SDCCAG8: variants seen among roughly 807,000 people sequenced by gnomAD.
SDCCAG8 encodes SHH signaling and ciliogenesis regulator SDCCAG8, also known as serologically defined colon cancer antigen 8.
In SDCCAG8, 74 loss-of-function variants were observed where a neutral mutation model predicts 101.8. The observed-to-expected ratio is 0.73, with a 90% CI of 0.60 to 0.88. The LOEUF (loss-of-function observed/expected upper bound fraction) is 0.88. Among genes scored for constraint, SDCCAG8 ranks in the 40% least tolerant of loss-of-function variants. The probability of loss-of-function intolerance (pLI) is 0.00; values close to 1 mark genes in which losing one functional copy is unlikely to be tolerated. For synonymous variants in SDCCAG8, 281 were observed against 292.9 expected, an observed-to-expected ratio of 0.96 and a Z score of 0.41; for missense variants, 787 against 822.6, an observed-to-expected ratio of 0.96 and a Z score of 0.53.
intron 16 of SDCCAG8, among the ~76,000 whole-genome samples, chr1:243,436,078 TAG>T (rs1195005653): frequency 6.6e-6 from 1 of 152,126 alleles, no homozygotes; most frequent in Non-Finnish European, 1.5e-5. Flanking sequence ...GGTTCAGCCT[TAG>T]TTTTGTACAT....
intron 1 of SDCCAG8, among the ~76,000 whole-genome samples, chr1:243,266,776 C>CA (rs566670758): frequency 0.17 from 18,974 of 110,952 alleles, 1,933 homozygotes; most frequent in South Asian, 0.22. Context: ...ATTATAAATA[C>CA]AAAAAAAAAA....
At chr1:243,399,512 A>G (rs2079235346) in intron 13 of SDCCAG8, among the ~76,000 whole-genome samples, 1 of 151,868 alleles carries the variant, frequency 6.6e-6, no homozygotes, top group African/African-American at 2.4e-5. Flanking sequence ...TTATTTATTT[A>G]TTTATTTATT....
intron 17 of SDCCAG8, among the ~76,000 whole-genome samples, chr1:243,493,432 C>T (rs1008027098): frequency 6.6e-6 from 1 of 152,108 alleles, no homozygotes; most frequent in Non-Finnish European, 1.5e-5. Context: ...AATTATCTGT[C>T]CACTTAGAGG....
At chr1:243,293,321 A>G in intron 6 of SDCCAG8, 102 bp downstream of exon 6, 1 of 1,237,220 alleles carries the variant, frequency 8.1e-7, no homozygotes, top group Admixed American at 2.0e-5. Context: ...ATTTACCATT[A>G]TAACCATTTT....
intron 12 of SDCCAG8, among the ~76,000 whole-genome samples, chr1:243,369,865 A>G (rs570274120): frequency 2.6e-5 from 4 of 152,240 alleles, no homozygotes; most frequent in Non-Finnish European, 5.9e-5. Flanking sequence ...GGAGATTTAT[A>G]TATTTGACTC....
intron 13 of SDCCAG8, among the ~76,000 whole-genome samples, chr1:243,392,889 A>C (rs2078789408): frequency 6.6e-6 from 1 of 152,210 alleles, no homozygotes; most frequent in Non-Finnish European, 1.5e-5. Context: ...GTTAACGGAG[A>C]ATTAACTTCT....
chr1:243,490,183 C>G (rs1666047081), intron 17 of SDCCAG8, among the ~76,000 whole-genome samples: 1 of 152,326 alleles, frequency 6.6e-6, no homozygotes, highest in Non-Finnish European at 1.5e-5. Flanking sequence ...CTGACTTTTC[C>G]CACTCGGTCC....
intron 16 of SDCCAG8, among the ~76,000 whole-genome samples, chr1:243,446,806 A>C (rs2082941982): frequency 1.3e-5 from 2 of 151,962 alleles, no homozygotes; most frequent in Non-Finnish European, 2.9e-5. Flanking sequence ...CCTGCTGCCC[A>C]GTTGGGGCTG....
chr1:243,314,514 CTCTT>C (rs2073061595), intron 8 of SDCCAG8, among the ~76,000 whole-genome samples: 1 of 152,174 alleles, frequency 6.6e-6, no homozygotes, highest in African/African-American at 2.4e-5. Flanking sequence ...CTATAGCAGA[CTCTT>C]TATTCATTTA....
At chr1:243,434,647 TG>T (rs2082017064) in intron 16 of SDCCAG8, among the ~76,000 whole-genome samples, 1 of 152,174 alleles carries the variant, frequency 6.6e-6, no homozygotes, top group South Asian at 2.1e-4. Context: ...ATTCAAAAAT[TG>T]TAAGCCAATT....
At chr1:243,340,217 T>A (rs2075303684) in intron 10 of SDCCAG8, among the ~76,000 whole-genome samples, 1 of 152,158 alleles carries the variant, frequency 6.6e-6, no homozygotes, top group Non-Finnish European at 1.5e-5. Flanking sequence ...AGTACTGTGG[T>A]TGAGGTACAC....
In SDCCAG8 at chr1:243,316,907, G is replaced by A; in HGVS notation, c.1068+14G>A. 2.5e-6 allele frequency: 4 copies of A among 1,612,864 alleles called. No homozygotes were observed. The highest frequency in any genetic ancestry group is 3.4e-6 in the Non-Finnish European group (4 of 1,179,322). ...GAAAAAACCAAGGCAAGTCTAATAA[G>A]ATGCAAATAAAAGTGTCTTTCTTTT... On this transcript the variant is annotated intron_variant, in intron 9 of 17. Transcript: ENST00000366541.
intron 10 of SDCCAG8, among the ~76,000 whole-genome samples, chr1:243,337,582 C>T (rs945536579): frequency 1.1e-4 from 17 of 152,196 alleles, no homozygotes; most frequent in African/African-American, 4.1e-4. Context: ...GAACAATTCA[C>T]TTAACCTCTC....
intron 13 of SDCCAG8, among the ~76,000 whole-genome samples, chr1:243,383,409 G>A (rs746584465): frequency 3.3e-5 from 5 of 152,140 alleles, no homozygotes; most frequent in Non-Finnish European, 7.4e-5. Flanking sequence ...TGATTTATAA[G>A]TTTCCTTCCA....
chr1:243,352,545 A>G, intron 12 of SDCCAG8, among the ~76,000 whole-genome samples: 1 of 152,218 alleles, frequency 6.6e-6, no homozygotes, highest in East Asian at 1.9e-4. Flanking sequence ...AAATGTGTCC[A>G]TGCAGCCCAA....
At position 243,319,695 on chromosome 1, in the gene SDCCAG8, T is replaced by C. The variant is rs376086371; in HGVS notation, c.1068+2802T>C. Among the ~76,000 whole-genome samples the C allele has an allele frequency of 1.1e-4, 17 of 152,284 alleles. No homozygotes were observed. The South Asian group carries it at 2.3e-3, about 20-fold the overall frequency. ...GCCCCTTTTTAAAAGTTTTAACATC[T>C]GATCCTTTTCCTCTTCATTCTATCT... On this transcript the variant is annotated intron_variant, in intron 9 of 17. Coordinates refer to ENST00000366541, the MANE Select transcript of SDCCAG8 (RefSeq NM_006642.5).
chr1:243,257,720 A>G (rs191637539), intron 1 of SDCCAG8, among the ~76,000 whole-genome samples: 355 of 152,316 alleles, frequency 2.3e-3, no homozygotes, highest in Middle Eastern at 0.01. Flanking sequence ...CTGCAGGAGT[A>G]AAAAAATCGG....
At chr1:243,377,684 A>G (rs2147901482) in intron 12 of SDCCAG8, among the ~76,000 whole-genome samples, 1 of 152,142 alleles carries the variant, frequency 6.6e-6, no homozygotes, top group East Asian at 1.9e-4. Flanking sequence ...GAATAAGGAC[A>G]TGAGGAAATT....
intron 12 of SDCCAG8, among the ~76,000 whole-genome samples, chr1:243,347,088 A>G (rs1257452759): frequency 1.3e-5 from 2 of 151,130 alleles, no homozygotes; most frequent in Non-Finnish European, 3.0e-5. Context: ...CATCTATCTC[A>G]CTTTTTTCTC....
Sources: gnomAD v4.1 joint callset for allele counts (sites outside exome capture counted in the v4.1 genomes callset) on GRCh38, gnomAD v4.1.1 for gene constraint, MANE v1.5 for transcripts, NCBI Gene and HGNC (gene_info 2026-07-23, HGNC 2026-07-21) for gene names.